COL4A3: variants seen among roughly 807,000 people sequenced by gnomAD.
The protein encoded by COL4A3 is collagen alpha-3(IV) chain.
A neutral mutation model predicts 217.4 loss-of-function variants in COL4A3; 135 were observed. The ratio of observed to expected loss-of-function variants is 0.62; its 90% confidence interval spans 0.54 to 0.72. The LOEUF (loss-of-function observed/expected upper bound fraction) is 0.72. COL4A3 is among the 30% of genes least tolerant of loss of function. COL4A3 has a pLI of 0.00. For synonymous variants in COL4A3, 690 were observed against 736.3 expected, an observed-to-expected ratio of 0.94 and a Z score of 1.02; for missense variants, 1,868 against 2,119.9, an observed-to-expected ratio of 0.88 and a Z score of 2.33.
At position 227,303,101 on chromosome 2, in the gene COL4A3, G is replaced by A. The variant is rs1462802406; in HGVS notation, c.3946G>A (p.Gly1316Ser). 1 of 1,613,720 alleles carries A rather than the reference G, an allele frequency of 6.2e-7. No homozygotes were observed. Among genetic ancestry groups the A allele is most frequent in the East Asian group, 2.2e-5 (1 of 44,880 alleles). Residue 1316 changes from glycine (G) to serine (S), a missense_variant, in exon 44 of 52, where the codon GGC (glycine) becomes AGC (serine). Coordinates refer to ENST00000396578, the MANE Select transcript of COL4A3 (RefSeq NM_000091.5). ...TGATCCTGGATTCCAGGGGTTTCCA[G>A]GCGTGAAAGGTACTGTTTTTGTGCA... Reference protein sequence around the residue: ...RGDPGFQGFPGVKGEKGNPGF... With the variant: ...RGDPGFQGFPSVKGEKGNPGF...
rs1190361834 is a variant in COL4A3 at position 227,191,112 on chromosome 2, A to G, written c.87+26299A>G. 6.6e-6 allele frequency among the ~76,000 whole-genome samples: 1 copy of G among 152,176 alleles called. No individual in the cohort carries two copies. Among genetic ancestry groups the G allele is most frequent in the Non-Finnish European group, 1.5e-5 (1 of 68,022 alleles). On this transcript the variant is annotated intron_variant, in intron 1 of 51. Coordinates refer to ENST00000396578, the MANE Select transcript of COL4A3 (RefSeq NM_000091.5). This position sits in a 1 kb window ranked among gnomAD's most constrained non-coding sequence, Gnocchi z 6.8. ...AAAATAGACTACATAAATAATACGT[A>G]TATGGCCATGGAAACAATTTTTGAC...
chr2:227,239,735 T>C (rs2068907068), intron 2 of COL4A3, among the ~76,000 whole-genome samples: 1 of 152,182 alleles, frequency 6.6e-6, no homozygotes, highest in South Asian at 2.1e-4. Context: ...TACATAGTAA[T>C]TATGCACACT....
At chr2:227,199,805 A>G (rs955140184) in intron 1 of COL4A3, among the ~76,000 whole-genome samples, 6 of 151,866 alleles carry the variant, frequency 4.0e-5, no homozygotes, top group African/African-American at 1.2e-4. Flanking sequence ...TTTAACATGC[A>G]TAGTTCTTGT....
In COL4A3 at chr2:227,170,583, A is replaced by G. The variant is rs566458469; in HGVS notation, c.87+5770A>G. ...AAGAAACCACCCCCATGATTCAACT[A>G]TCTCCCACCGAGTCCCTCCCACAAC... On this transcript the variant is annotated intron_variant, in intron 1 of 51. Transcript: ENST00000396578. 1.1e-4 allele frequency among the ~76,000 whole-genome samples: 16 copies of G among 151,980 alleles called. No homozygotes were observed. In the South Asian group the frequency reaches 3.1e-3, roughly 30 times the overall value.
intron 15 of COL4A3, among the ~76,000 whole-genome samples, chr2:227,255,619 G>T (rs1021938580): frequency 6.6e-6 from 1 of 151,998 alleles, no homozygotes; most frequent in African/African-American, 2.4e-5. Flanking sequence ...GGGGTCCAAG[G>T]AATTACCAAT....
intron 1 of COL4A3, among the ~76,000 whole-genome samples, chr2:227,226,465 T>C (rs2068095616): frequency 7.3e-6 from 1 of 136,364 alleles, no homozygotes; most frequent in South Asian, 2.4e-4. Context: ...TCTATTCTAA[T>C]GTTAGGTTTG....
chr2:227,280,308 A>C, intron 29 of COL4A3, 132 bp from the exon 30 acceptor site: 472 of 851,080 alleles, frequency 5.5e-4, no homozygotes, highest in Non-Finnish European at 8.1e-4. Context: ...GTCAGCAACT[A>C]GAGCTCAAAA....
chr2:227,263,958 A>G lies in COL4A3; in HGVS notation c.1315+14A>G. 6.2e-7 allele frequency: 1 copy of G among 1,614,132 alleles called. No individual in the cohort carries two copies. The highest frequency in any genetic ancestry group is 8.5e-7 in the Non-Finnish European group (1 of 1,179,996). The stretch of plus-strand genomic sequence containing the variant: ...CAGGACCGCCAGGTAAAGATGTGGA[A>G]GGGGACCCCTTTTGTGCACAGTGCC... On this transcript the variant is annotated intron_variant, in intron 21 of 51. Transcript: ENST00000396578.
chr2:227,222,783 A>G (rs1427938413), intron 1 of COL4A3, among the ~76,000 whole-genome samples: 1 of 152,160 alleles, frequency 6.6e-6, no homozygotes, highest in Non-Finnish European at 1.5e-5. Flanking sequence ...GCACAGGAAT[A>G]TGAAAGCAAG....
At chr2:227,303,004 TG>T (rs2073358976) in intron 43 of COL4A3, 33 bp from the exon 44 acceptor site, 1 of 1,450,868 alleles carries the variant, frequency 6.9e-7, no homozygotes. Flanking sequence ...TTTAAAAATT[TG>T]TTTTGGTTCT....
chr2:227,261,085 C>G lies in COL4A3; in HGVS notation c.1118C>G (p.Pro373Arg). ...GPRGARGPQG[P>R]SGPPGVPGSP... The stretch of plus-strand genomic sequence containing the variant: ...AATTAATGTTATATATTCCCAGGTC[C>G]CAGTGGTCCCCCCGGAGTTCCTGGA... Residue 373 changes from proline (P) to arginine (R), a missense_variant, in exon 20 of 52, where the codon CCC becomes CGC. Pro to Arg is a moderately radical substitution (Grantham distance 103). Transcript: ENST00000396578. 1 of 1,611,314 alleles carries G rather than the reference C, an allele frequency of 6.2e-7. No individual in the cohort carries two copies. Among genetic ancestry groups the G allele is most frequent in the Non-Finnish European group, 8.5e-7 (1 of 1,177,492 alleles).
intron 23 of COL4A3, among the ~76,000 whole-genome samples, chr2:227,269,011 G>A (rs1213478648): frequency 6.6e-6 from 1 of 151,918 alleles, no homozygotes; most frequent in Non-Finnish European, 1.5e-5. Flanking sequence ...AAAATGGTTT[G>A]GATCACTATA....
chr2:227,210,008 A>C (rs1290050385), intron 1 of COL4A3, among the ~76,000 whole-genome samples: 1 of 152,226 alleles, frequency 6.6e-6, no homozygotes, highest in Non-Finnish European at 1.5e-5. Context: ...TAAATTGGGA[A>C]TAATAATACA....
chr2:227,181,970 T>G (rs1253391266), intron 1 of COL4A3, among the ~76,000 whole-genome samples: 1 of 152,188 alleles, frequency 6.6e-6, no homozygotes, highest in Non-Finnish European at 1.5e-5. Flanking sequence ...TAAATATAAC[T>G]AGAATTAACA....
intron 1 of COL4A3, among the ~76,000 whole-genome samples, chr2:227,218,337 G>A (rs1436632016): frequency 6.6e-6 from 1 of 151,858 alleles, no homozygotes; most frequent in Non-Finnish European, 1.5e-5. Flanking sequence ...GTGGTGGTGG[G>A]CGCCTGTAGT....
In COL4A3 at chr2:227,272,115, T is replaced by C. The variant is rs572852665; in HGVS notation, c.1759-834T>C. ...GTGCCAGCAGTTCTCAGACCCTGCC[T>C]TGGCCAAGTCCCAGGTTGTTCACTT... is the stretch of plus-strand genomic sequence containing the variant. On this transcript the variant is annotated intron_variant, in intron 25 of 51. Transcript: ENST00000396578. 5.3e-5 allele frequency among the ~76,000 whole-genome samples: 8 copies of C among 152,356 alleles called. No individual in the cohort carries two copies. In the East Asian group the frequency reaches 1.3e-3, roughly 26 times the overall value.
At chr2:227,283,056 A>C (rs2072082238) in intron 32 of COL4A3, among the ~76,000 whole-genome samples, 1 of 152,140 alleles carries the variant, frequency 6.6e-6, no homozygotes, top group Admixed American at 6.5e-5. Context: ...TCTTATAGGT[A>C]TATTCAGGTT....
intron 5 of COL4A3, among the ~76,000 whole-genome samples, chr2:227,245,455 C>G (rs946391057): frequency 6.6e-6 from 1 of 152,098 alleles, no homozygotes; most frequent in Non-Finnish European, 1.5e-5. Context: ...TGTGCAAATA[C>G]GGTACCATTC....
intron 1 of COL4A3, among the ~76,000 whole-genome samples, chr2:227,201,810 T>C (rs935782061): frequency 6.6e-6 from 1 of 152,208 alleles, no homozygotes; most frequent in African/African-American, 2.4e-5. Context: ...CTATTGGAAA[T>C]GGATAGCCAG....
Sources: allele counts gnomAD v4.1 joint callset (sites outside exome capture counted in the v4.1 genomes callset), GRCh38; gene constraint gnomAD v4.1.1; non-coding constraint Gnocchi (gnomAD v3.1); transcripts MANE v1.5; gene names NCBI Gene and HGNC (gene_info 2026-07-23, HGNC 2026-07-21).